ZNF609: variants seen among roughly 807,000 people sequenced by gnomAD.
ZNF609 encodes the protein zinc finger protein 609.
ZNF609 carries 11 observed loss-of-function variants against 109.5 expected under a neutral mutation model. The observed-to-expected ratio is 0.10, with a 90% CI of 0.06 to 0.17. ZNF609 has a LOEUF of 0.17. Ranked by LOEUF, ZNF609 falls within the 10% of genes least tolerant of loss-of-function variation. The pLI is 1.00. For missense variants in ZNF609, 1,559 were observed against 1,772.4 expected (o/e 0.88, Z 2.16); for synonymous variants, 646 against 662.0 (o/e 0.98, Z 0.37).
rs796824748 is a variant in ZNF609, at chr15:64,571,671, C to CT, written c.748-51148dup. On this transcript the variant is annotated intron_variant, in intron 2 of 9. Coordinates refer to ENST00000326648, the MANE Select transcript of ZNF609 (RefSeq NM_015042.2). ...ACTCTCTAGTTTTATGTAGTTGAGT[C>CT]TTTTTTTTCAGTCAGTCTCACTCTG... is the stretch of plus-strand genomic sequence containing the variant. Among the ~76,000 whole-genome samples, 467 of 151,732 alleles carry CT rather than the reference C, an allele frequency of 3.1e-3. 3 individuals carry two copies. The highest frequency in any genetic ancestry group is 4.6e-3 in the South Asian group (22 of 4,786).
intron 2 of ZNF609, among the ~76,000 whole-genome samples, chr15:64,531,064 C>T (rs1471109319): frequency 6.6e-6 from 1 of 152,160 alleles, no homozygotes; most frequent in Non-Finnish European, 1.5e-5. Flanking sequence ...CATACATGTA[C>T]TGCATTTAAT....
At chr15:64,587,900 C>T (rs1895224391) in intron 2 of ZNF609, among the ~76,000 whole-genome samples, 2 of 151,806 alleles carry the variant, frequency 1.3e-5, no homozygotes, top group African/African-American at 4.8e-5. Flanking sequence ...TCACTTGAGG[C>T]CAGGAGTTTG....
intron 1 of ZNF609, among the ~76,000 whole-genome samples, chr15:64,466,360 A>G (rs1289779422): frequency 6.6e-6 from 1 of 152,136 alleles, no homozygotes; most frequent in Non-Finnish European, 1.5e-5. Context: ...CATTTTCTAT[A>G]TTAGGCCAAC....
intron 3 of ZNF609, among the ~76,000 whole-genome samples, chr15:64,650,814 C>G (rs941256367): frequency 1.3e-5 from 2 of 149,952 alleles, no homozygotes; most frequent in Non-Finnish European, 2.9e-5. Context: ...GAGTGTACAT[C>G]TTCACCTAAG....
At position 64,680,171 on chromosome 15, in the gene ZNF609, T is replaced by G; in HGVS notation, c.3770-14T>G. 1 of 1,613,250 alleles carries G rather than the reference T, an allele frequency of 6.2e-7. No homozygotes were observed. ...TCTCCCATCTCTTTGACTGTTTGAT[T>G]TCTCCTTCCACAGGTTCCTACCTGC... On this transcript the variant is annotated splice_polypyrimidine_tract_variant and intron_variant, in intron 6 of 9. Coordinates refer to ENST00000326648, the MANE Select transcript of ZNF609 (RefSeq NM_015042.2).
chr15:64,511,481 C>CAAA (rs796464007), intron 2 of ZNF609, among the ~76,000 whole-genome samples: 11 of 65,156 alleles, frequency 1.7e-4, no homozygotes, highest in African/African-American at 5.5e-4. Flanking sequence ...AACTTTGTCT[C>CAAA]AAAAAAAAAA....
intron 2 of ZNF609, among the ~76,000 whole-genome samples, chr15:64,618,126 T>G (rs1895827225): frequency 6.6e-6 from 1 of 152,126 alleles, no homozygotes; most frequent in South Asian, 2.1e-4. Flanking sequence ...CTTTTCTGAT[T>G]TTTTTTTCTC....
At chr15:64,468,513 A>G (rs1300308212) in intron 1 of ZNF609, among the ~76,000 whole-genome samples, 1 of 151,996 alleles carries the variant, frequency 6.6e-6, no homozygotes, top group Non-Finnish European at 1.5e-5. Context: ...TGGCCTCCCA[A>G]AGTGCTGGGA....
chr15:64,461,233 G>A (rs1009143436), intron 1 of ZNF609, among the ~76,000 whole-genome samples: 5 of 111,706 alleles, frequency 4.5e-5, no homozygotes, highest in African/African-American at 8.7e-5. Context: ...GGGGGCGGGG[G>A]CGGTGGTGGT....
intron 2 of ZNF609, among the ~76,000 whole-genome samples, chr15:64,607,590 C>T (rs995433529): frequency 3.3e-5 from 5 of 150,768 alleles, no homozygotes; most frequent in Non-Finnish European, 7.4e-5. Context: ...CTGCAACCTC[C>T]GCCTCCCAGG....
At chr15:64,584,871 C>G (rs1222131933) in intron 2 of ZNF609, among the ~76,000 whole-genome samples, 1 of 149,302 alleles carries the variant, frequency 6.7e-6, no homozygotes, top group African/African-American at 2.5e-5. Context: ...TCGTGATCCA[C>G]CCGTCTCAGC....
At chr15:64,614,525 G>C (rs1376507836) in intron 2 of ZNF609, among the ~76,000 whole-genome samples, 1 of 152,030 alleles carries the variant, frequency 6.6e-6, no homozygotes, top group Non-Finnish European at 1.5e-5. Flanking sequence ...GAGCCACCGC[G>C]CCTGGCCTTT....
chr15:64,527,769 C>T (rs182174492), intron 2 of ZNF609, among the ~76,000 whole-genome samples: 1 of 152,290 alleles, frequency 6.6e-6, no homozygotes, highest in East Asian at 1.9e-4. Flanking sequence ...TCCCTCACTG[C>T]TCACATCTGG....
chr15:64,572,324 C>A (rs1160257661), intron 2 of ZNF609, among the ~76,000 whole-genome samples: 1 of 152,122 alleles, frequency 6.6e-6, no homozygotes, highest in Non-Finnish European at 1.5e-5. Flanking sequence ...TGTGAGACCT[C>A]ATTCTTTACA....
intron 1 of ZNF609, among the ~76,000 whole-genome samples, chr15:64,464,169 A>T (rs536004712): frequency 1.3e-4 from 20 of 152,190 alleles, no homozygotes; most frequent in African/African-American, 4.3e-4. Flanking sequence ...TTATGTTGCA[A>T]TTAGCATATA....
At chr15:64,518,820 C>A (rs1396722635) in intron 2 of ZNF609, among the ~76,000 whole-genome samples, 1 of 150,506 alleles carries the variant, frequency 6.6e-6, no homozygotes, top group African/African-American at 2.5e-5. Flanking sequence ...CCAAGCTGTT[C>A]ATGGAACCAC....
chr15:64,649,509 A>G (rs1045094570), intron 3 of ZNF609, among the ~76,000 whole-genome samples: 1 of 152,196 alleles, frequency 6.6e-6, no homozygotes, highest in Non-Finnish European at 1.5e-5. Flanking sequence ...AAAGGTAAGT[A>G]AGTAGCTGAG....
chr15:64,652,687 C>T (rs985703943), intron 3 of ZNF609, among the ~76,000 whole-genome samples: 5 of 152,026 alleles, frequency 3.3e-5, no homozygotes, highest in African/African-American at 1.2e-4. Context: ...TATGCCTGGC[C>T]AACACTTGGC....
At chr15:64,510,776 A>G (rs1052897361) in intron 2 of ZNF609, among the ~76,000 whole-genome samples, 4 of 152,102 alleles carry the variant, frequency 2.6e-5, no homozygotes, top group South Asian at 4.1e-4. Context: ...GGATGTGACA[A>G]TTTGACTGTG....
Sources: gnomAD v4.1 joint callset for allele counts (sites outside exome capture counted in the v4.1 genomes callset) on GRCh38, gnomAD v4.1.1 for gene constraint, MANE v1.5 for transcripts, NCBI Gene and HGNC (gene_info 2026-07-23, HGNC 2026-07-21) for gene names.